Variants in GDPD4 observed in about 807,000 individuals in gnomAD.
GDPD4 encodes the protein glycerophosphodiester phosphodiesterase domain containing 4.
GDPD4 carries 60 observed loss-of-function variants against 67.8 expected under a neutral mutation model. The observed-to-expected ratio is 0.88, with a 90% CI of 0.72 to 1.10. GDPD4 has a LOEUF of 1.10. Ranked by LOEUF, GDPD4 falls within the 50% of genes least tolerant of loss-of-function variation. The pLI is 0.00. For synonymous variants in GDPD4, 212 were observed against 210.9 expected, an observed-to-expected ratio of 1.00 and a Z score of -0.04; for missense variants, 623 against 613.9, an observed-to-expected ratio of 1.01 and a Z score of -0.16.
At chr11:77,289,360 C>T (rs981385820) in intron 1 of GDPD4, among the ~76,000 whole-genome samples, 1 of 129,376 alleles carries the variant, frequency 7.7e-6, no homozygotes, top group Non-Finnish European at 1.6e-5. Flanking sequence ...AATACTCCAT[C>T]TCAAAAAAGA....
chr11:77,296,553 C>A (rs1937971991), intron 1 of GDPD4, among the ~76,000 whole-genome samples: 1 of 151,038 alleles, frequency 6.6e-6, no homozygotes, highest in Non-Finnish European at 1.5e-5. Context: ...AACTCCTGAC[C>A]TCAAGTAACT....
At chr11:77,274,802 T>C (rs184965675) in intron 5 of GDPD4, among the ~76,000 whole-genome samples, 14 of 152,310 alleles carry the variant, frequency 9.2e-5, no homozygotes, top group African/African-American at 3.1e-4. Context: ...ATCAACACTA[T>C]GCCTGATGTT....
chr11:77,297,060 C>CAAAAAAAAAAA (rs538534637), intron 1 of GDPD4, among the ~76,000 whole-genome samples: 1 of 116,594 alleles, frequency 8.6e-6, no homozygotes, highest in Non-Finnish European at 1.8e-5. Context: ...TCAAAAAAAA[C>CAAAAAAAAAAA]AAAAAAAAAA....
At chr11:77,255,333 G>C (rs559548198) in intron 11 of GDPD4, among the ~76,000 whole-genome samples, 1 of 152,246 alleles carries the variant, frequency 6.6e-6, no homozygotes, top group East Asian at 1.9e-4. Flanking sequence ...TTGGGGGGCT[G>C]AGGCAGGTGG....
intron 1 of GDPD4, among the ~76,000 whole-genome samples, chr11:77,299,169 A>G (rs1006324132): frequency 6.6e-5 from 10 of 152,126 alleles, no homozygotes; most frequent in African/African-American, 2.4e-4. Context: ...GTTGCTAGGC[A>G]ACACCAACCA....
intron 16 of GDPD4, among the ~76,000 whole-genome samples, chr11:77,227,369 G>A (rs1266627089): frequency 1.3e-5 from 2 of 152,294 alleles, no homozygotes; most frequent in South Asian, 2.1e-4. Context: ...ACCCACAAAT[G>A]ATACCCATAA....
rs189996431 is a variant in GDPD4, at chr11:77,217,072, C to A, written c.*205G>T. ...TGAGTTCAAAGACCACGGTGGGCAT[C>A]GGTGGTTGAATCTCATGCTTGCCAG... On this transcript the variant is annotated 3_prime_UTR_variant, in exon 17 of 17. Coordinates refer to ENST00000315938, the MANE Select transcript of GDPD4 (RefSeq NM_182833.3). 69 of 704,948 alleles carry A rather than the reference C, an allele frequency of 9.8e-5. No individual in the cohort carries two copies. Among genetic ancestry groups the A allele is most frequent in the Admixed American group, 2.8e-4 (14 of 50,008 alleles). 43.7% of individuals were successfully genotyped at this position (704,948 alleles called of 1,614,324 possible).
intron 10 of GDPD4, among the ~76,000 whole-genome samples, chr11:77,263,604 A>C (rs1224624548): frequency 6.6e-6 from 1 of 152,192 alleles, no homozygotes; most frequent in Non-Finnish European, 1.5e-5. Flanking sequence ...AAGCAAGATA[A>C]ATACTATTTT....
intron 16 of GDPD4, among the ~76,000 whole-genome samples, chr11:77,227,451 G>C (rs938405474): frequency 6.6e-6 from 1 of 152,198 alleles, no homozygotes; most frequent in Non-Finnish European, 1.5e-5. Flanking sequence ...TGATGTCAAT[G>C]CTATACTTTT....
chr11:77,252,061 TTTTG>T (rs1565523283), intron 11 of GDPD4, among the ~76,000 whole-genome samples: 1 of 100,120 alleles, frequency 1.0e-5, no homozygotes, highest in African/African-American at 2.9e-5. Context: ...TTTGTTTTTT[TTTTG>T]TTTTTTTTTT....
chr11:77,279,907 A>G (rs182096699), intron 3 of GDPD4, among the ~76,000 whole-genome samples: 3 of 152,346 alleles, frequency 2.0e-5, no homozygotes, highest in Non-Finnish European at 4.4e-5. Flanking sequence ...AAACAATGTT[A>G]TACTTGATCT....
At chr11:77,249,973 TAC>T (rs1491398091) in intron 11 of GDPD4, among the ~76,000 whole-genome samples, 45 of 152,238 alleles carry the variant, frequency 3.0e-4, no homozygotes, top group Non-Finnish European at 4.7e-4. Flanking sequence ...CATATATTTG[TAC>T]AGTTTTTAAA....
At chr11:77,283,832 T>C (rs1028199848) in intron 3 of GDPD4, among the ~76,000 whole-genome samples, 2 of 151,486 alleles carry the variant, frequency 1.3e-5, no homozygotes, top group East Asian at 3.8e-4. Flanking sequence ...AGAAAGTACT[T>C]TGGCAACAGA....
chr11:77,295,361 G>C (rs78873715), intron 1 of GDPD4, among the ~76,000 whole-genome samples: 11,510 of 151,874 alleles, frequency 0.076, 714 homozygotes, highest in East Asian at 0.23. Context: ...GCCAGGTGTG[G>C]CAGGTCATGC....
chr11:77,226,550 G>A (rs1958342042), intron 16 of GDPD4, among the ~76,000 whole-genome samples: 1 of 152,162 alleles, frequency 6.6e-6, no homozygotes, highest in African/African-American at 2.4e-5. Context: ...CCAGCACCTT[G>A]ATCTGGGATT....
intron 4 of GDPD4, among the ~76,000 whole-genome samples, chr11:77,277,394 T>C (rs1406820584): frequency 1.1e-5 from 1 of 94,756 alleles, no homozygotes; most frequent in African/African-American, 3.8e-5. Context: ...ATGTTTCCTT[T>C]TTTTTTTTTT....
At chr11:77,278,602 C>A (rs1959600633) in intron 4 of GDPD4, among the ~76,000 whole-genome samples, 1 of 152,142 alleles carries the variant, frequency 6.6e-6, no homozygotes, top group Admixed American at 6.5e-5. Flanking sequence ...ATGCAAATAG[C>A]AACATATTTG....
chr11:77,259,063 C>A (rs1959062542), intron 10 of GDPD4, among the ~76,000 whole-genome samples: 1 of 152,170 alleles, frequency 6.6e-6, no homozygotes, highest in African/African-American at 2.4e-5. Flanking sequence ...CGGCTCACCA[C>A]AACTGTGATC....
intron 16 of GDPD4, among the ~76,000 whole-genome samples, chr11:77,227,296 T>C (rs1958361017): frequency 1.3e-5 from 2 of 152,216 alleles, no homozygotes; most frequent in Non-Finnish European, 2.9e-5. Flanking sequence ...TGCAGTGACT[T>C]GACTCTGGTT....
Sources: gnomAD v4.1 joint callset for allele counts (sites outside exome capture counted in the v4.1 genomes callset) on GRCh38, gnomAD v4.1.1 for gene constraint, MANE v1.5 for transcripts, NCBI Gene and HGNC (gene_info 2026-07-23, HGNC 2026-07-21) for gene names.